Variants in KIFC3 observed in about 807,000 individuals in gnomAD.
KIFC3 encodes kinesin family member C3.
Under a neutral mutation model 101.8 loss-of-function variants are expected in KIFC3, and 60 were observed. The ratio of observed to expected loss-of-function variants is 0.59; its 90% CI spans 0.48 to 0.73. The LOEUF (loss-of-function observed/expected upper bound fraction) is 0.73, where lower values mean the gene tolerates loss of function less well. KIFC3 is among the 30% of genes least tolerant of loss of function. The pLI, the probability that KIFC3 is intolerant of heterozygous loss-of-function variation, is 0.00. For missense variants in KIFC3, 966 were observed against 1,137.1 expected (o/e 0.85, Z 2.16); for synonymous variants, 476 against 482.7 (o/e 0.99, Z 0.18).
At chr16:57,789,827 C>T (rs1264623848) in intron 3 of KIFC3, among the ~76,000 whole-genome samples, 12 of 151,522 alleles carry the variant, frequency 7.9e-5, no homozygotes, top group African/African-American at 2.9e-4. Flanking sequence ...ATCTCTGCCT[C>T]CCAGGTTCAA....
chr16:57,775,042 T>G, intron 3 of KIFC3: 2 of 1,522,362 alleles, frequency 1.3e-6, no homozygotes, highest in Non-Finnish European at 1.8e-6. Context: ...AGAGTGGGGT[T>G]TGCCAGTGTT....
intron 3 of KIFC3, among the ~76,000 whole-genome samples, chr16:57,791,891 TG>T (rs2053900158): frequency 6.6e-6 from 1 of 152,254 alleles, no homozygotes; most frequent in African/African-American, 2.4e-5. Flanking sequence ...AAGAAACTTT[TG>T]GTTCAGTTTT....
At chr16:57,809,503 G>A (rs2055016546) in intron 1 of KIFC3, among the ~76,000 whole-genome samples, 1 of 152,194 alleles carries the variant, frequency 6.6e-6, no homozygotes, top group South Asian at 2.1e-4. Flanking sequence ...CTGAGAGCCT[G>A]TGCCCTGACT....
chr16:57,778,758 A>C (rs1462528059), intron 3 of KIFC3, among the ~76,000 whole-genome samples: 5 of 152,148 alleles, frequency 3.3e-5, no homozygotes, highest in Admixed American at 3.3e-4. Flanking sequence ...TGTTACAAAA[A>C]TGAAAATAAG....
In KIFC3 at chr16:57,766,962, G is replaced by C. The variant is rs782517527; in HGVS notation, c.1242C>G (p.Val414=). ...KAEIGQAIEE[V]NSNNQELLRK... The stretch of plus-strand genomic sequence containing the variant: ...GCAGCAGCTCCTGGTTGTTGCTGTT[G>C]ACCTCCTCGATGGCCTGGCCTATCT... The change falls in exon 10 of 20, where the codon GTC becomes GTG. Residue 414 remains valine (V), a synonymous_variant. Coordinates refer to ENST00000445690, the MANE Select transcript of KIFC3 (RefSeq NM_001130100.2). 6.2e-7 allele frequency: 1 copy of C among 1,613,204 alleles called. No individual in the cohort carries two copies. The highest frequency in any genetic ancestry group is 1.7e-5 in the Admixed American group (1 of 60,030).
chr16:57,761,587 T>G, intron 13 of KIFC3, 51 bp from the exon 14 acceptor site: 4 of 1,592,030 alleles, frequency 2.5e-6, no homozygotes, highest in Non-Finnish European at 3.4e-6. Context: ...CCAGCTGCTG[T>G]TTGCACTGCA....
At chr16:57,822,982 C>T (rs548611376) in intron 1 of KIFC3, among the ~76,000 whole-genome samples, 1 of 151,978 alleles carries the variant, frequency 6.6e-6, no homozygotes, top group East Asian at 1.9e-4. Context: ...CTGAATAAAC[C>T]CCTCCTCTTG....
chr16:57,803,387 C>A (rs782138347), upstream of KIFC3: 17 of 558,094 alleles, frequency 3.0e-5, no homozygotes, highest in Non-Finnish European at 4.4e-5. Context: ...ACTCTCCACA[C>A]CCCCGGGTGC....
At chr16:57,774,389 A>T (rs1351317090) in intron 3 of KIFC3, 1 of 152,310 alleles carries the variant, frequency 6.6e-6, no homozygotes, top group Non-Finnish European at 1.5e-5. Context: ...AGGAGTTTTA[A>T]ATGTCATGGG....
chr16:57,861,095 T>C (rs1194985022), intron 1 of KIFC3, among the ~76,000 whole-genome samples: 22 of 152,238 alleles, frequency 1.4e-4, no homozygotes, highest in Admixed American at 1.4e-3. Context: ...TTTGATCAGC[T>C]TGTGACGGGC....
At chr16:57,780,667 ATTTTTTTTTTTTTTT>A (rs1191334568) in intron 3 of KIFC3, among the ~76,000 whole-genome samples, 1 of 69,936 alleles carries the variant, frequency 1.4e-5, no homozygotes, top group Non-Finnish European at 2.5e-5. Flanking sequence ...CTGAAGACAA[ATTTTTTTTTTTTTTT>A]TTTTTTTTTT....
chr16:57,804,129 C>T (rs971732338), upstream of KIFC3, among the ~76,000 whole-genome samples: 97 of 152,270 alleles, frequency 6.4e-4, 1 homozygote, highest in African/African-American at 2.3e-3. Context: ...TTAATAATAA[C>T]ATTTATTGTT....
chr16:57,853,877 C>A (rs12444678), intron 1 of KIFC3, among the ~76,000 whole-genome samples: 4,832 of 152,264 alleles, frequency 0.032, 114 homozygotes, highest in Middle Eastern at 0.092. Context: ...AAGTGATCCA[C>A]CCTCCTCGGC....
chr16:57,808,965 G>T (rs1183813033), intron 1 of KIFC3, among the ~76,000 whole-genome samples: 2 of 152,210 alleles, frequency 1.3e-5, no homozygotes, highest in Non-Finnish European at 2.9e-5. Context: ...GCAAAGACCG[G>T]ATAGAATTTT....
rs897833150 is a variant in KIFC3, at chr16:57,821,963, C to G, written c.109-23681G>C. 4.6e-5 allele frequency among the ~76,000 whole-genome samples: 7 copies of G among 152,204 alleles called. No homozygotes were observed. In the East Asian group the frequency reaches 1.4e-3, roughly 29 times the overall value. On this transcript the variant is annotated intron_variant, in intron 1 of 2. Coordinates refer to the KIFC3 transcript ENST00000563028. Reference sequence around the variant, plus strand: ...TGGTGGCGTATGCCTGTGGTCCCAACTCTTCAGGAGGCTGAGGTGAAAGGA... The same window carrying G: ...TGGTGGCGTATGCCTGTGGTCCCAAGTCTTCAGGAGGCTGAGGTGAAAGGA...
upstream of KIFC3, chr16:57,802,570 G>T: frequency 1.0e-6 from 1 of 993,144 alleles, no homozygotes; most frequent in Non-Finnish European, 1.2e-6. The surrounding 1 kb of genome is among the most constrained non-coding windows in gnomAD (Gnocchi z 5.0). Flanking sequence ...CCCGGCGGGG[G>T]GCGGCGGCGC....
intron 1 of KIFC3, among the ~76,000 whole-genome samples, chr16:57,830,236 C>CTTTTTTT (rs34842791): frequency 2.5e-5 from 3 of 119,316 alleles, no homozygotes; most frequent in Non-Finnish European, 3.5e-5. Context: ...TTTTTTCTTT[C>CTTTTTTT]TTTTTTTTTT....
At chr16:57,848,718 C>G (rs2055989752) in intron 1 of KIFC3, among the ~76,000 whole-genome samples, 1 of 152,130 alleles carries the variant, frequency 6.6e-6, no homozygotes. Flanking sequence ...AAAGGAAGCC[C>G]TAAGAATGGC....
At chr16:57,856,808 T>C (rs1202862737) in intron 1 of KIFC3, among the ~76,000 whole-genome samples, 1 of 152,172 alleles carries the variant, frequency 6.6e-6, no homozygotes, top group East Asian at 1.9e-4. Context: ...GACCAATTCC[T>C]TAAAGCCACA....
Sources: allele counts gnomAD v4.1 joint callset (sites outside exome capture counted in the v4.1 genomes callset), GRCh38; gene constraint gnomAD v4.1.1; non-coding constraint Gnocchi (gnomAD v3.1); transcripts MANE v1.5; gene names NCBI Gene and HGNC (gene_info 2026-07-23, HGNC 2026-07-21).